The following ZNF280B variants were observed in gnomAD, a reference collection of about 807,000 sequenced individuals.
ZNF280B encodes the protein suppressor of hairy wing homolog 2.
A neutral mutation model predicts 38.0 loss-of-function variants in ZNF280B; 16 were observed. The observed-to-expected ratio is 0.42, with a 90% confidence interval of 0.28 to 0.64. ZNF280B has a LOEUF of 0.64. ZNF280B is among the 30% of genes least tolerant of loss of function. ZNF280B has a pLI of 0.21. For missense variants in ZNF280B, 581 were observed against 639.6 expected (o/e 0.91, Z 0.99); for synonymous variants, 253 against 230.6 (o/e 1.10, Z -0.88).
At position 22,488,484 on chromosome 22, in the gene ZNF280B, G is replaced by A; in HGVS notation, c.915C>T (p.Thr305=). Residue 305 remains threonine (T), a synonymous_variant, in exon 4 of 4, where the codon ACC becomes ACT. Transcript: ENST00000626650. ...GEGQPEQKTH[T]TFKCLSCVKV... is the part of the protein sequence containing the mutation. ...TCACGCAGCTGAGGCATTTAAAGGT[G>A]GTGTGAGTCTTCTGTTCCGGCTGCC... The A allele has an allele frequency of 1.2e-6, 2 of 1,613,872 alleles. No homozygotes were observed. Among genetic ancestry groups the A allele is most frequent in the Non-Finnish European group, 1.7e-6 (2 of 1,179,970 alleles).
intron 2 of ZNF280B, among the ~76,000 whole-genome samples, chr22:22,502,577 T>G (rs1487948222): frequency 2.0e-5 from 3 of 151,922 alleles, no homozygotes; most frequent in African/African-American, 7.3e-5. Flanking sequence ...ATCCGTACAA[T>G]GAAATACTAT....
intron 2 of ZNF280B, among the ~76,000 whole-genome samples, chr22:22,505,500 A>G (rs1263453276): frequency 6.6e-6 from 1 of 151,906 alleles, no homozygotes; most frequent in Non-Finnish European, 1.5e-5. Flanking sequence ...CAGAAGACAG[A>G]GGCTGCGGTG....
At chr22:22,497,291 G>A (rs2061721415) in intron 2 of ZNF280B, among the ~76,000 whole-genome samples, 1 of 146,878 alleles carries the variant, frequency 6.8e-6, no homozygotes, top group South Asian at 2.2e-4. Flanking sequence ...AGCACTTTGG[G>A]AGGCCGAGGT....
rs556600063 is a variant in ZNF280B at position 22,486,070 on chromosome 22, T to C, written c.*1697A>G. On this transcript the variant is annotated 3_prime_UTR_variant, in exon 4 of 4. Transcript: ENST00000626650. ...CATTAACTCTAAGTCTTAAAACTTATTGAATTAGAGAGACATTTCTTGCAC... is the reference window on the plus strand; with the variant it reads ...CATTAACTCTAAGTCTTAAAACTTACTGAATTAGAGAGACATTTCTTGCAC... 13 of 152,120 alleles carry C rather than the reference T, an allele frequency of 8.5e-5. No homozygotes were observed. Among genetic ancestry groups the C allele is most frequent in the East Asian group, 3.9e-4 (2 of 5,100 alleles). The allele number at this position is 152,120 out of a possible 1,614,324, so 9.4% of individuals were successfully genotyped here.
At chr22:22,494,549 G>C (rs993998631) in intron 2 of ZNF280B, among the ~76,000 whole-genome samples, 1 of 151,874 alleles carries the variant, frequency 6.6e-6, no homozygotes, top group Non-Finnish European at 1.5e-5. Context: ...TACTGGGGTA[G>C]GGAGGTTAGA....
intron 3 of ZNF280B, among the ~76,000 whole-genome samples, chr22:22,490,185 C>T (rs1201273306): frequency 6.6e-6 from 1 of 151,860 alleles, no homozygotes; most frequent in Non-Finnish European, 1.5e-5. Flanking sequence ...TAAATTTTCC[C>T]CTCCAGTTCT....
At chr22:22,506,648 T>C (rs2061945312) in intron 2 of ZNF280B, among the ~76,000 whole-genome samples, 1 of 151,750 alleles carries the variant, frequency 6.6e-6, no homozygotes, top group Non-Finnish European at 1.5e-5. Flanking sequence ...GGTGAGGTGA[T>C]GGTACAATCA....
Position 22,488,071 on chromosome 22 carries a change from GT to G in ZNF280B, c.1327del (p.Thr443GlnfsTer28). ...ATAATGACACATGTATGGTGTTGCTGTTTTGAAAATTTTGAGACAAAAGGGA... is the reference window on the plus strand; with the variant it reads ...ATAATGACACATGTATGGTGTTGCTGTTTGAAAATTTTGAGACAAAAGGGA... ...LCPFCLKIFK[T>X]ATPYMCHYRG... On this transcript the variant is annotated frameshift_variant, in exon 4 of 4. Coordinates refer to ENST00000626650, the MANE Select transcript of ZNF280B (RefSeq NM_080764.4). LOFTEE classifies it high-confidence loss of function. 6.2e-7 allele frequency: 1 copy of G among 1,613,908 alleles called. No homozygotes were observed. Among genetic ancestry groups the G allele is most frequent in the Non-Finnish European group, 8.5e-7 (1 of 1,179,964 alleles).
At chr22:22,499,271 A>AT (rs923550658) in intron 2 of ZNF280B, among the ~76,000 whole-genome samples, 2,771 of 149,436 alleles carry the variant, frequency 0.019, 95 homozygotes, top group African/African-American at 0.064. Context: ...TTTAATTTTA[A>AT]TTTTTTTTTT....
chr22:22,487,972 A>G lies in ZNF280B; in HGVS notation c.1427T>C (p.Met476Thr). 6.2e-7 allele frequency: 1 copy of G among 1,613,560 alleles called. No homozygotes were observed. Among genetic ancestry groups the G allele is most frequent in the Non-Finnish European group, 8.5e-7 (1 of 1,179,930 alleles). Residue 476 changes from methionine to threonine, a missense_variant, in exon 4 of 4, where the codon ATG becomes ACG. Transcript: ENST00000626650. ...RLQFLTFKEKMEHKTQCHQMF... is the reference protein window; with the variant it reads ...RLQFLTFKEKTEHKTQCHQMF... Reference sequence around the variant, plus strand: ...TTGATGACACTGGGTCTTGTGCTCCATTTTCTCCTTGAAAGTTAAAAACTG... The same window carrying G: ...TTGATGACACTGGGTCTTGTGCTCCGTTTTCTCCTTGAAAGTTAAAAACTG...
Position 22,488,031 on chromosome 22 carries a change from T to C in ZNF280B, c.1368A>G (p.Gly456=). 1 of 1,613,900 alleles carries C rather than the reference T, an allele frequency of 6.2e-7. No homozygotes were observed. The highest frequency in any genetic ancestry group is 8.5e-7 in the Non-Finnish European group (1 of 1,179,978). Residue 456 remains glycine, a synonymous_variant, in exon 4 of 4, where the codon GGA becomes GGG. Coordinates refer to ENST00000626650, the MANE Select transcript of ZNF280B (RefSeq NM_080764.4). The part of the protein sequence containing the change: ...PYMCHYRGHW[G]KSAHQCSKCR... Reference sequence around the variant, plus strand: ...ACTTGGAACACTGGTGTGCACTCTTTCCCCAGTGGCCCCTATAATGACACA... The same window carrying C: ...ACTTGGAACACTGGTGTGCACTCTTCCCCCAGTGGCCCCTATAATGACACA...
Position 22,487,475 on chromosome 22 carries a change from A to AT in ZNF280B, c.*291_*292insA, listed in dbSNP as rs2061516786. 2 of 168,744 alleles carry AT rather than the reference A, an allele frequency of 1.2e-5. No homozygotes were observed. The highest frequency in any genetic ancestry group is 1.3e-4 in the Admixed American group (2 of 15,458). The allele number at this position is 168,744 out of a possible 1,614,324, so 10.5% of individuals were successfully genotyped here. A position where few individuals can be genotyped will look rare whatever the true frequency, so the allele number is the denominator to read the frequency against. On this transcript the variant is annotated 3_prime_UTR_variant, in exon 4 of 4. Coordinates refer to ENST00000626650, the MANE Select transcript of ZNF280B (RefSeq NM_080764.4). ...AAAAAAAAAAAAAAAAAAAAAAAAAAATTAAAATTAAAAAAATAAATTAAT... is the reference window on the plus strand; with the variant it reads ...AAAAAAAAAAAAAAAAAAAAAAAAAATATTAAAATTAAAAAAATAAATTAAT...
intron 2 of ZNF280B, among the ~76,000 whole-genome samples, chr22:22,503,990 C>T (rs1023117185): frequency 6.6e-6 from 1 of 151,970 alleles, no homozygotes; most frequent in Admixed American, 6.6e-5. Flanking sequence ...TTATACAACA[C>T]TAATGCTAAA....
At chr22:22,496,634 G>C (rs1019732046) in intron 2 of ZNF280B, among the ~76,000 whole-genome samples, 5 of 151,548 alleles carry the variant, frequency 3.3e-5, no homozygotes, top group Non-Finnish European at 7.4e-5. Context: ...AGTTATTTGT[G>C]GGGGTGGGGG....
rs71199481 is a variant in ZNF280B, at chr22:22,487,447, T to TAAAAAAAAAAAAAAAAAAAAA, written c.*299_*319dup. The TAAAAAAAAAAAAAAAAAAAAA allele has an allele frequency of 3.0e-5, 2 of 66,768 alleles. No homozygotes were observed. The highest frequency in any genetic ancestry group is 4.9e-5 in the African/African-American group (1 of 20,462). 4.1% of individuals were successfully genotyped at this position (66,768 alleles called of 1,614,324 possible). A position where few individuals can be genotyped will look rare whatever the true frequency, so the allele number is the denominator to read the frequency against. Reference sequence around the variant, plus strand: ...TAACAGTGAGACCCTGTCTCTAAAGTAAAAAAAAAAAAAAAAAAAAAAAAA... The same window carrying TAAAAAAAAAAAAAAAAAAAAA: ...TAACAGTGAGACCCTGTCTCTAAAGTAAAAAAAAAAAAAAAAAAAAAAAAAAAAAAAAAAAAAAAAAAAAAA... On this transcript the variant is annotated 3_prime_UTR_variant, in exon 4 of 4. Transcript: ENST00000626650.
At chr22:22,498,000 C>T (rs1330458573) in intron 2 of ZNF280B, among the ~76,000 whole-genome samples, 1 of 151,854 alleles carries the variant, frequency 6.6e-6, no homozygotes, top group East Asian at 2.0e-4. Flanking sequence ...ATGGTATATA[C>T]ATACAACAGA....
Position 22,488,548 on chromosome 22 carries a change from A to G in ZNF280B, c.851T>C (p.Leu284Ser). The change falls in exon 4 of 4, where the codon TTA (leucine) becomes TCA (serine). Residue 284 changes from leucine (L) to serine (S), a missense_variant. Coordinates refer to ENST00000626650, the MANE Select transcript of ZNF280B (RefSeq NM_080764.4). The part of the protein sequence containing the change: ...FDPKKENPIV[L>S]LSDFYYGQHK... The stretch of plus-strand genomic sequence containing the variant: ...CTGTCCATAGTAAAAGTCACTAAGT[A>G]ACACAATGGGATTTTCTTTCTTGGG... 3.7e-6 allele frequency: 6 copies of G among 1,613,966 alleles called. No homozygotes were observed. Among genetic ancestry groups the G allele is most frequent in the Non-Finnish European group, 4.2e-6 (5 of 1,179,994 alleles).
Position 22,489,104 on chromosome 22 carries a change from C to T in ZNF280B, c.295G>A (p.Val99Met), listed in dbSNP as rs1176802439. ...AGTTGGGAAGCTGGCAGGACGGTCACTGCTTCTGATGTAACGGTCTCATGA... is the reference window on the plus strand; with the variant it reads ...AGTTGGGAAGCTGGCAGGACGGTCATTGCTTCTGATGTAACGGTCTCATGA... The part of the protein sequence containing the change: ...KSHETVTSEA[V>M]TVLPASQLES... Residue 99 changes from valine to methionine, a missense_variant, in exon 4 of 4, where the codon GTG (valine) becomes ATG (methionine). Coordinates refer to ENST00000626650, the MANE Select transcript of ZNF280B (RefSeq NM_080764.4). 6.2e-7 allele frequency: 1 copy of T among 1,613,892 alleles called. No individual in the cohort carries two copies. The highest frequency in any genetic ancestry group is 8.5e-7 in the Non-Finnish European group (1 of 1,179,964).
chr22:22,493,774 C>T lies in ZNF280B; in HGVS notation c.-69+289G>A, dbSNP rs542563973. Among the ~76,000 whole-genome samples, 26 of 152,028 alleles carry T rather than the reference C, an allele frequency of 1.7e-4. 1 individual carries two copies. Among genetic ancestry groups the T allele is most frequent in the Non-Finnish European group, 2.9e-4 (20 of 68,004 alleles). On this transcript the variant is annotated intron_variant, in intron 3 of 3. Coordinates refer to ENST00000626650, the MANE Select transcript of ZNF280B (RefSeq NM_080764.4). Reference sequence around the variant, plus strand: ...CTGTCCTTCAAATTATATAACACAACACCACAAGATGGATCTTAAAACACA... The same window carrying T: ...CTGTCCTTCAAATTATATAACACAATACCACAAGATGGATCTTAAAACACA...
Sources: allele counts gnomAD v4.1 joint callset (sites outside exome capture counted in the v4.1 genomes callset), GRCh38; gene constraint gnomAD v4.1.1; transcripts MANE v1.5; gene names NCBI Gene and HGNC (gene_info 2026-07-23, HGNC 2026-07-21).